Variants in WDPCP observed in about 807,000 individuals in gnomAD.
WDPCP encodes the protein WD repeat containing planar cell polarity effector, also known as WD repeat-containing and planar cell polarity effector protein fritz homolog.
Under a neutral mutation model 93.1 loss-of-function variants are expected in WDPCP, and 71 were observed. The observed-to-expected ratio is 0.76, with a 90% confidence interval of 0.63 to 0.93. The LOEUF (loss-of-function observed/expected upper bound fraction) is 0.93, where lower values mean the gene tolerates loss of function less well. WDPCP is among the 40% of genes least tolerant of loss of function. The probability of loss-of-function intolerance (pLI) is 0.00; values close to 1 mark genes in which losing one functional copy is unlikely to be tolerated. For synonymous variants in WDPCP, 315 were observed against 315.0 expected (o/e 1.00, Z 0.00); for missense variants, 844 against 887.4 (o/e 0.95, Z 0.62).
chr2:63,735,563 T>A (rs532755886), intron 2 of WDPCP, among the ~76,000 whole-genome samples: 1 of 152,280 alleles, frequency 6.6e-6, no homozygotes, highest in Non-Finnish European at 1.5e-5. Context: ...TTAAGGTTTT[T>A]GAGCAGGGAA....
intron 2 of WDPCP, among the ~76,000 whole-genome samples, chr2:63,794,896 C>G (rs1245607133): frequency 2.6e-5 from 4 of 152,162 alleles, no homozygotes; most frequent in South Asian, 2.1e-4. Flanking sequence ...GTTTTCTACC[C>G]AATATTTATT....
intron 2 of WDPCP, among the ~76,000 whole-genome samples, chr2:63,683,571 G>T (rs2103640967): frequency 6.6e-6 from 1 of 152,122 alleles, no homozygotes; most frequent in Middle Eastern, 3.4e-3. Flanking sequence ...AGAGACAAAG[G>T]GCTGGGCGCA....
At chr2:63,164,085 T>C (rs1043183648) in intron 15 of WDPCP, among the ~76,000 whole-genome samples, 1 of 152,218 alleles carries the variant, frequency 6.6e-6, no homozygotes, top group African/African-American at 2.4e-5. Context: ...ACAAGGTTTA[T>C]TTGTTCTACA....
At chr2:63,407,069 ATATCCTAAACAC>A (rs1449913289) in intron 9 of WDPCP, among the ~76,000 whole-genome samples, 2 of 152,188 alleles carry the variant, frequency 1.3e-5, no homozygotes, top group Non-Finnish European at 2.9e-5. Flanking sequence ...AAGCATATAG[ATATCCTAAACAC>A]TATGAAGTAA....
At chr2:63,452,270 A>G (rs1698304678) in intron 6 of WDPCP, among the ~76,000 whole-genome samples, 1 of 152,208 alleles carries the variant, frequency 6.6e-6, no homozygotes. Flanking sequence ...CAATGTGCAA[A>G]AATCACAAGC....
chr2:63,451,830 C>A (rs184678488), intron 6 of WDPCP, among the ~76,000 whole-genome samples: 1 of 152,230 alleles, frequency 6.6e-6, no homozygotes, highest in Admixed American at 6.5e-5. Context: ...ATAAACAGAA[C>A]CAACGACAAA....
intron 2 of WDPCP, among the ~76,000 whole-genome samples, chr2:63,714,433 T>G (rs991172778): frequency 6.6e-6 from 1 of 152,188 alleles, no homozygotes; most frequent in Non-Finnish European, 1.5e-5. Flanking sequence ...TAAGATAAGT[T>G]CATTTCATTA....
intron 17 of WDPCP, among the ~76,000 whole-genome samples, chr2:63,149,147 T>A (rs1263233733): frequency 3.3e-5 from 5 of 151,848 alleles, no homozygotes; most frequent in Non-Finnish European, 5.9e-5. Flanking sequence ...CTAAAATATA[T>A]AAAGACTACT....
At chr2:63,528,171 C>G (rs1416625104) in intron 1 of WDPCP, among the ~76,000 whole-genome samples, 3 of 152,072 alleles carry the variant, frequency 2.0e-5, no homozygotes, top group South Asian at 2.1e-4. Flanking sequence ...TAGGTTGCCT[C>G]TTCACCCTGA....
At chr2:63,317,277 G>A (rs1256911157) in intron 12 of WDPCP, among the ~76,000 whole-genome samples, 7 of 151,686 alleles carry the variant, frequency 4.6e-5, no homozygotes, top group South Asian at 2.1e-4. Flanking sequence ...GCGTGGTGGC[G>A]GGCACCTGTA....
At chr2:63,679,811 A>G (rs1710470131) in intron 2 of WDPCP, among the ~76,000 whole-genome samples, 1 of 152,132 alleles carries the variant, frequency 6.6e-6, no homozygotes, top group African/African-American at 2.4e-5. Flanking sequence ...CTTTGAATCA[A>G]TAGCCCTCTA....
chr2:63,337,125 T>C (rs769059871), intron 12 of WDPCP, among the ~76,000 whole-genome samples: 10 of 151,974 alleles, frequency 6.6e-5, no homozygotes, highest in Non-Finnish European at 8.8e-5. Context: ...ATCTCTTAAC[T>C]TCGTGATCCA....
chr2:63,622,772 G>A lies in WDPCP; in HGVS notation n.488+27887C>T, dbSNP rs946127099. The A allele has an allele frequency of 1.7e-3, 2,780 of 1,612,492 alleles. 4 individuals are homozygous for A. Among genetic ancestry groups the A allele is most frequent in the Non-Finnish European group, 2.2e-3 (2,614 of 1,179,564 alleles). ...GATTCGGGTACCGCTGCCAGAAGGC[G>A]GCGAACACTTGGTCCCAGGAACTCC... On this transcript the variant is annotated intron_variant and non_coding_transcript_variant, in intron 3 of 4. Transcript: ENST00000467687.
intron 14 of WDPCP, among the ~76,000 whole-genome samples, chr2:63,249,782 G>A (rs1460416020): frequency 2.0e-5 from 3 of 152,178 alleles, no homozygotes; most frequent in Non-Finnish European, 4.4e-5. Context: ...AAGACCCCCA[G>A]TGAATGCTTG....
chr2:63,687,129 G>C (rs571438195), intron 2 of WDPCP, among the ~76,000 whole-genome samples: 1 of 152,254 alleles, frequency 6.6e-6, no homozygotes, highest in South Asian at 2.1e-4. Context: ...ACAAATTTCT[G>C]TTGGGCCACA....
At chr2:63,462,484 G>C (rs1488509726) in intron 6 of WDPCP, among the ~76,000 whole-genome samples, 1 of 152,022 alleles carries the variant, frequency 6.6e-6, no homozygotes, top group Non-Finnish European at 1.5e-5. Context: ...ATGTACCCTA[G>C]AACTTAATGT....
intron 15 of WDPCP, among the ~76,000 whole-genome samples, chr2:63,164,102 A>C (rs1376479457): frequency 6.6e-6 from 1 of 152,234 alleles, no homozygotes; most frequent in Non-Finnish European, 1.5e-5. Context: ...TACAATAAAT[A>C]ATTTTAGACC....
intron 3 of WDPCP, among the ~76,000 whole-genome samples, chr2:63,612,258 G>A (rs1428638065): frequency 6.6e-6 from 1 of 152,144 alleles, no homozygotes; most frequent in East Asian, 1.9e-4. Flanking sequence ...GATACAAAAT[G>A]GGGATATTAA....
At chr2:63,672,633 T>G (rs1005680080) in intron 2 of WDPCP, among the ~76,000 whole-genome samples, 3 of 151,894 alleles carry the variant, frequency 2.0e-5, no homozygotes, top group African/African-American at 7.2e-5. Flanking sequence ...TATTTCATTT[T>G]TATTTTATTT....
Sources: gnomAD v4.1 joint callset for allele counts (sites outside exome capture counted in the v4.1 genomes callset) on GRCh38, gnomAD v4.1.1 for gene constraint, MANE v1.5 for transcripts, NCBI Gene and HGNC (gene_info 2026-07-23, HGNC 2026-07-21) for gene names.